LRRN1: variants seen among roughly 807,000 people sequenced by gnomAD.
The protein encoded by LRRN1 is leucine rich repeat neuronal 1.
Under a neutral mutation model 45.8 loss-of-function variants are expected in LRRN1, and 14 were observed. The observed-to-expected ratio is 0.31, with a 90% CI of 0.20 to 0.48. The LOEUF (loss-of-function observed/expected upper bound fraction) is 0.48. Ranked by LOEUF, LRRN1 falls within the 20% of genes least tolerant of loss-of-function variation. LRRN1 has a pLI of 0.99. For synonymous variants in LRRN1, 359 were observed against 330.1 expected (o/e 1.09, Z -0.95); for missense variants, 789 against 874.2 (o/e 0.90, Z 1.23).
At chr3:3,808,956 A>G (rs1414102364) in intron 1 of LRRN1, among the ~76,000 whole-genome samples, 1 of 152,206 alleles carries the variant, frequency 6.6e-6, no homozygotes, top group Non-Finnish European at 1.5e-5. Flanking sequence ...TACAGATTGC[A>G]TTCTCCTAAC....
chr3:3,805,577 G>A (rs1692734224), intron 1 of LRRN1, among the ~76,000 whole-genome samples: 1 of 152,200 alleles, frequency 6.6e-6, no homozygotes, highest in Non-Finnish European at 1.5e-5. Context: ...TATCACCAGT[G>A]CGAATAATTT....
chr3:3,803,599 G>C (rs1692698886), intron 1 of LRRN1, among the ~76,000 whole-genome samples: 1 of 152,142 alleles, frequency 6.6e-6, no homozygotes, highest in African/African-American at 2.4e-5. Flanking sequence ...TGATCATTTA[G>C]AATCATATGT....
chr3:3,846,733 G>A lies in LRRN1; in HGVS notation c.2092G>A (p.Gly698Ser), dbSNP rs371721723. 1.7e-5 allele frequency: 27 copies of A among 1,613,724 alleles called. No individual in the cohort carries two copies. Among genetic ancestry groups the A allele is most frequent in the Non-Finnish European group, 2.1e-5 (25 of 1,179,986 alleles). The change falls in exon 2 of 2, where the codon GGT (glycine) becomes AGT (serine). Residue 698 changes from glycine (G) to serine (S), a missense_variant. Coordinates refer to ENST00000319331, the MANE Select transcript of LRRN1 (RefSeq NM_020873.7). The surrounding 1 kb of genome is among the most constrained non-coding windows in gnomAD (Gnocchi z 5.7). ...WEGDSEKDKD[G>S]SADTKPTQVD... ...AGGTGACAGCGAGAAAGACAAAGAT[G>A]GTTCTGCAGACACCAAGCCAACCCA...
rs1273220364 is a variant in LRRN1, at chr3:3,845,437, A to G, written c.796A>G (p.Lys266Glu). ...TGCCCTGCAAAAAGTTCCAAATTTG[A>G]AATTCTTAGACCTCAACAAAAACCC... is the stretch of plus-strand genomic sequence containing the variant. ...QLALQKVPNL[K>E]FLDLNKNPIH... is the part of the protein sequence containing the mutation. Residue 266 changes from lysine to glutamate, a missense_variant, in exon 2 of 2, where the codon AAA becomes GAA. Coordinates refer to ENST00000319331, the MANE Select transcript of LRRN1 (RefSeq NM_020873.7). This position sits in a 1 kb window ranked among gnomAD's most constrained non-coding sequence, Gnocchi z 6.5. The G allele has an allele frequency of 6.2e-7, 1 of 1,614,152 alleles. No homozygotes were observed. The highest frequency in any genetic ancestry group is 8.5e-7 in the Non-Finnish European group (1 of 1,180,028).
chr3:3,800,375 G>C (rs1692620735), intron 1 of LRRN1, among the ~76,000 whole-genome samples: 1 of 152,130 alleles, frequency 6.6e-6, no homozygotes. Flanking sequence ...AGAGGGCCAA[G>C]AGGAGGGCAA....
In LRRN1 at chr3:3,821,745, G is replaced by T. The variant is rs577846662; in HGVS notation, c.-279+21826G>T. 1.9e-4 allele frequency among the ~76,000 whole-genome samples: 29 copies of T among 152,268 alleles called. No individual in the cohort carries two copies. The South Asian group carries it at 2.1e-3, about 11-fold the overall frequency. On this transcript the variant is annotated intron_variant, in intron 1 of 1. Transcript: ENST00000319331. Reference sequence around the variant, plus strand: ...TTGCTAAATTGCAAGGTTTTCTTAAGCACAAAATGTAGAAAAGACCCACCA... The same window carrying T: ...TTGCTAAATTGCAAGGTTTTCTTAATCACAAAATGTAGAAAAGACCCACCA...
At chr3:3,818,708 T>G (rs924001107) in intron 1 of LRRN1, among the ~76,000 whole-genome samples, 25 of 152,256 alleles carry the variant, frequency 1.6e-4, no homozygotes, top group African/African-American at 5.5e-4. Flanking sequence ...GCTAAGGTAT[T>G]TCTTGAATAA....
intron 1 of LRRN1, chr3:3,827,233 A>G (rs1034246534): frequency 4.4e-6 from 1 of 226,984 alleles, no homozygotes; most frequent in Admixed American, 4.9e-5. Flanking sequence ...GAAAGTTTCA[A>G]TAACTTACCC....
intron 1 of LRRN1, among the ~76,000 whole-genome samples, chr3:3,812,785 CTGAT>C (rs1161497040): frequency 2.2e-5 from 3 of 138,762 alleles, no homozygotes; most frequent in Admixed American, 1.6e-4. Context: ...TTTGAGCATG[CTGAT>C]TAACTTCTCT....
intron 1 of LRRN1, among the ~76,000 whole-genome samples, chr3:3,821,207 G>C (rs1559291730): frequency 2.0e-5 from 3 of 152,148 alleles, no homozygotes; most frequent in African/African-American, 7.2e-5. Context: ...GTGGCCACTG[G>C]TTACATCTGG....
At chr3:3,829,231 A>T (rs1353765906) in intron 1 of LRRN1, among the ~76,000 whole-genome samples, 1 of 151,970 alleles carries the variant, frequency 6.6e-6, no homozygotes, top group Non-Finnish European at 1.5e-5. Context: ...CACCAGCCAA[A>T]ACTGTAACTC....
At chr3:3,842,607 T>A (rs1453978720) in intron 1 of LRRN1, among the ~76,000 whole-genome samples, 1 of 152,176 alleles carries the variant, frequency 6.6e-6, no homozygotes, top group Non-Finnish European at 1.5e-5. Flanking sequence ...CTAGCATGAA[T>A]TCAGAGCTTG....
chr3:3,842,200 T>C (rs1385921907), intron 1 of LRRN1, among the ~76,000 whole-genome samples: 1 of 152,126 alleles, frequency 6.6e-6, no homozygotes, highest in East Asian at 1.9e-4. Context: ...GTATATGCGG[T>C]CCATCATTGG....
rs1693821142 is a variant in LRRN1 at position 3,848,279 on chromosome 3, G to C, written c.*1487G>C. ...TATATATAGACAGTTTTGGAGAATT[G>C]TTTCAAGATTATAGAGGAAACATGT... On this transcript the variant is annotated 3_prime_UTR_variant, in exon 2 of 2. Coordinates refer to ENST00000319331, the MANE Select transcript of LRRN1 (RefSeq NM_020873.7). Among the ~76,000 whole-genome samples, 3 of 152,160 alleles carry C rather than the reference G, an allele frequency of 2.0e-5. No individual in the cohort carries two copies. Among genetic ancestry groups the C allele is most frequent in the African/African-American group, 7.2e-5 (3 of 41,436 alleles).
intron 1 of LRRN1, among the ~76,000 whole-genome samples, chr3:3,809,891 T>G (rs888715103): frequency 1.1e-4 from 17 of 152,166 alleles, no homozygotes; most frequent in African/African-American, 4.1e-4. Flanking sequence ...AAATCTGACA[T>G]TTCTGCCTGC....
intron 1 of LRRN1, among the ~76,000 whole-genome samples, chr3:3,810,744 T>G (rs1692855111): frequency 6.6e-6 from 1 of 152,130 alleles, no homozygotes; most frequent in Non-Finnish European, 1.5e-5. Context: ...AAAGAGACAG[T>G]CACCAGGCAA....
intron 1 of LRRN1, among the ~76,000 whole-genome samples, chr3:3,835,683 C>T (rs1386525573): frequency 1.3e-5 from 2 of 150,068 alleles, no homozygotes; most frequent in African/African-American, 2.5e-5. Context: ...GAAGTTAATG[C>T]ATATAAATCA....
Position 3,845,704 on chromosome 3 carries a change from A to G in LRRN1, c.1063A>G (p.Lys355Glu), listed in dbSNP as rs1023810279. ...CAATGCCTTGAATGCCATTTACCAAAAGACAGTCGAATCCCTCCCCAATCT... is the reference window on the plus strand; with the variant it reads ...CAATGCCTTGAATGCCATTTACCAAGAGACAGTCGAATCCCTCCCCAATCT... Reference protein sequence around the residue: ...NNNALNAIYQKTVESLPNLRE... With the variant: ...NNNALNAIYQETVESLPNLRE... Residue 355 changes from lysine (K) to glutamate (E), a missense_variant, in exon 2 of 2, where the codon AAG becomes GAG. Lys to Glu is a moderately conservative substitution (Grantham distance 56, BLOSUM62 1). Transcript: ENST00000319331. The surrounding 1 kb of genome is among the most constrained non-coding windows in gnomAD (Gnocchi z 6.5). 1.2e-6 allele frequency: 2 copies of G among 1,613,910 alleles called. No individual in the cohort carries two copies. The highest frequency in any genetic ancestry group is 1.7e-6 in the Non-Finnish European group (2 of 1,180,014).
chr3:3,802,246 C>T (rs1559276875), intron 1 of LRRN1, among the ~76,000 whole-genome samples: 1 of 152,204 alleles, frequency 6.6e-6, no homozygotes, highest in Admixed American at 6.5e-5. Flanking sequence ...CTGTTCACCT[C>T]TTGGCGTTGT....
Sources: gnomAD v4.1 joint callset for allele counts (sites outside exome capture counted in the v4.1 genomes callset) on GRCh38, gnomAD v4.1.1 for gene constraint, Gnocchi (gnomAD v3.1) non-coding constraint, MANE v1.5 for transcripts, NCBI Gene and HGNC (gene_info 2026-07-23, HGNC 2026-07-21) for gene names.